RBM26: variants seen among roughly 807,000 people sequenced by gnomAD.
RBM26 encodes the protein RNA-binding protein 26.
A neutral mutation model predicts 123.6 loss-of-function variants in RBM26; 30 were observed. The ratio of observed to expected loss-of-function variants is 0.24; its 90% CI spans 0.18 to 0.33. The LOEUF (loss-of-function observed/expected upper bound fraction) is 0.33, where lower values mean the gene tolerates loss of function less well. Among genes scored for constraint, RBM26 ranks in the 10% least tolerant of loss-of-function variants. RBM26 has a pLI of 1.00. For missense variants in RBM26, 947 were observed against 1,203.6 expected (o/e 0.79, Z 3.15); for synonymous variants, 400 against 404.4 (o/e 0.99, Z 0.13).
chr13:79,405,168 C>T (rs1456316171), intron 1 of RBM26, among the ~76,000 whole-genome samples: 2 of 152,162 alleles, frequency 1.3e-5, no homozygotes, highest in African/African-American at 2.4e-5. Flanking sequence ...CTAACGAACG[C>T]GTAGGCGGGA....
At chr13:79,332,007 C>T (rs1237940699) in intron 20 of RBM26, among the ~76,000 whole-genome samples, 1 of 152,088 alleles carries the variant, frequency 6.6e-6, no homozygotes, top group Non-Finnish European at 1.5e-5. Flanking sequence ...AATATTTTTC[C>T]TGAGGAAAAC....
chr13:79,369,259 A>T (rs970418271), intron 5 of RBM26, among the ~76,000 whole-genome samples: 1 of 152,188 alleles, frequency 6.6e-6, no homozygotes, highest in South Asian at 2.1e-4. Flanking sequence ...AAGGAATTTT[A>T]TATTTTCTTC....
In RBM26 at chr13:79,366,853, T is replaced by A; in HGVS notation, c.915A>T (p.Arg305Ser). 1 of 1,606,332 alleles carries A rather than the reference T, an allele frequency of 6.2e-7. No homozygotes were observed. The highest frequency in any genetic ancestry group is 8.5e-7 in the Non-Finnish European group (1 of 1,175,258). ...RDYDEKGFCM[R>S]GDMCPFDHGS... is the part of the protein sequence containing the mutation. ...CATGATCAAAAGGACACATGTCTCC[T>A]CTCATACAAAAACCCTTTTCTATGA... The change falls in exon 7 of 22, where the codon AGA (arginine) becomes AGT (serine). Residue 305 changes from arginine (R) to serine (S), a missense_variant. Transcript: ENST00000438737.
chr13:79,362,348 T>G (rs1295608797), intron 9 of RBM26, among the ~76,000 whole-genome samples: 5 of 152,162 alleles, frequency 3.3e-5, no homozygotes, highest in African/African-American at 1.2e-4. Flanking sequence ...AAACTTATTT[T>G]TTTCATTTCT....
intron 1 of RBM26, among the ~76,000 whole-genome samples, chr13:79,387,172 A>T (rs537083536): frequency 6.6e-6 from 1 of 152,254 alleles, no homozygotes; most frequent in East Asian, 1.9e-4. Context: ...TTTTCATCTA[A>T]CAGCTGACTT....
chr13:79,374,762 A>G (rs181185146), intron 3 of RBM26, among the ~76,000 whole-genome samples: 24 of 152,190 alleles, frequency 1.6e-4, no homozygotes, highest in African/African-American at 5.1e-4. Context: ...ATTCCACAGT[A>G]CATGCCCATC....
chr13:79,365,623 T>C lies in RBM26; in HGVS notation c.1372A>G (p.Asn458Asp). 6.2e-7 allele frequency: 1 copy of C among 1,613,922 alleles called. No individual in the cohort carries two copies. Among genetic ancestry groups the C allele is most frequent in the Non-Finnish European group, 8.5e-7 (1 of 1,179,826 alleles). The change falls in exon 9 of 22, where the codon AAC becomes GAC. Residue 458 changes from asparagine to aspartate, a missense_variant. This residue lies in a region of RBM26 where 493 missense variants were observed against 563.1 expected (regional missense o/e 0.88). Coordinates refer to ENST00000438737, the MANE Select transcript of RBM26 (RefSeq NM_001366735.2). ...TCCCCTGATGTTAGTCCTATCAAGT[T>C]GGGCCTTTGTGCATGCACTCTGTGT... ...YRHRVHAQRP[N>D]LIGLTSGDMD...
At chr13:79,315,129 T>C, downstream of RBM26, 1 of 447,680 alleles carries the variant, frequency 2.2e-6, no homozygotes, top group Non-Finnish European at 4.0e-6. Context: ...AAAATCAAAG[T>C]TGCAGGAAAA....
intron 14 of RBM26, 126 bp downstream of exon 14, chr13:79,353,027 G>C: frequency 2.1e-6 from 1 of 481,172 alleles, no homozygotes. Context: ...GAAACCAAAA[G>C]GTAGGAAAAG....
intron 6 of RBM26, among the ~76,000 whole-genome samples, chr13:79,367,336 G>A (rs775310838): frequency 1.4e-5 from 2 of 147,314 alleles, no homozygotes; most frequent in Non-Finnish European, 3.0e-5. Flanking sequence ...GAACCCGGGA[G>A]GCAGTGGTTG....
At chr13:79,385,228 T>G (rs1295193597) in intron 1 of RBM26, among the ~76,000 whole-genome samples, 1 of 152,200 alleles carries the variant, frequency 6.6e-6, no homozygotes, top group African/African-American at 2.4e-5. Flanking sequence ...ACATTGAAAA[T>G]TTTAATTGTA....
At chr13:79,391,007 T>G (rs1414635626) in intron 1 of RBM26, among the ~76,000 whole-genome samples, 1 of 152,206 alleles carries the variant, frequency 6.6e-6, no homozygotes, top group African/African-American at 2.4e-5. Context: ...AAAACATGGA[T>G]TATGCAGTCA....
At chr13:79,375,066 T>TC (rs2076522417) in intron 3 of RBM26, among the ~76,000 whole-genome samples, 2 of 130,772 alleles carry the variant, frequency 1.5e-5, no homozygotes, top group African/African-American at 5.5e-5. Flanking sequence ...TATATTTTTA[T>TC]ATATTTATAT....
intron 20 of RBM26, among the ~76,000 whole-genome samples, chr13:79,328,913 A>T (rs2138649387): frequency 6.6e-6 from 1 of 152,116 alleles, no homozygotes; most frequent in South Asian, 2.1e-4. Context: ...AAATGAGGAC[A>T]AACTACATAC....
chr13:79,377,803 G>C (rs1330897219), intron 2 of RBM26, among the ~76,000 whole-genome samples: 1 of 152,118 alleles, frequency 6.6e-6, no homozygotes, highest in Non-Finnish European at 1.5e-5. Context: ...AGATACTAGG[G>C]AGGCTGAGGC....
intron 12 of RBM26, 53 bp downstream of exon 12, chr13:79,355,167 T>G (rs972160008): frequency 5.2e-6 from 8 of 1,541,740 alleles, no homozygotes; most frequent in Non-Finnish European, 7.1e-6. Flanking sequence ...GTAAACGCTA[T>G]GCTAAGAGCT....
chr13:79,375,096 T>TTATCATATAAATATATATTTA (rs2076548801), intron 3 of RBM26, among the ~76,000 whole-genome samples: 3 of 95,294 alleles, frequency 3.1e-5, no homozygotes, highest in East Asian at 4.3e-4. Context: ...AAATATATAT[T>TTATCATATAAATATATATTTA]TATATATATC....
At chr13:79,371,285 T>A in intron 4 of RBM26, 123 bp from the exon 5 acceptor site, 1 of 741,098 alleles carries the variant, frequency 1.3e-6, no homozygotes, top group African/African-American at 1.8e-5. Flanking sequence ...ATCAGACAAC[T>A]GAAAAAACTG....
intron 1 of RBM26, among the ~76,000 whole-genome samples, chr13:79,402,664 A>G (rs1027597684): frequency 6.6e-6 from 1 of 152,062 alleles, no homozygotes. Context: ...TAGGACCTCC[A>G]TACAATCTGT....
Sources: gnomAD v4.1 joint callset for allele counts (sites outside exome capture counted in the v4.1 genomes callset) on GRCh38, gnomAD v4.1.1 for gene constraint, gnomAD v4.1.1 regional missense constraint, MANE v1.5 for transcripts, NCBI Gene and HGNC (gene_info 2026-07-23, HGNC 2026-07-21) for gene names.